The following LINGO1 variants were observed in gnomAD, a reference collection of about 807,000 sequenced individuals.
The protein encoded by LINGO1 is leucine rich repeat and Ig domain containing 1, also known as leucine-rich repeat and immunoglobulin-like domain-containing nogo receptor-interacting protein 1.
In LINGO1, 11 loss-of-function variants were observed where a neutral mutation model predicts 37.3. The observed-to-expected ratio is 0.29, with a 90% CI of 0.19 to 0.49. The LOEUF is 0.49. LINGO1 is among the 20% of genes least tolerant of loss of function. The probability of loss-of-function intolerance (pLI) is 0.99; values close to 1 mark genes in which losing one functional copy is unlikely to be tolerated. For synonymous variants in LINGO1, 387 were observed against 403.0 expected (o/e 0.96, Z 0.48); for missense variants, 585 against 878.2 (o/e 0.67, Z 4.22).
chr15:77,712,768 T>C (rs1266845648), intron 2 of LINGO1, among the ~76,000 whole-genome samples: 1 of 152,174 alleles, frequency 6.6e-6, no homozygotes, highest in Non-Finnish European at 1.5e-5. Context: ...CTGCACATTC[T>C]AGAAGCCCAC....
In LINGO1 at chr15:77,653,080, T is replaced by C. The variant is rs141954925; in HGVS notation, c.-13+24009A>G. On this transcript the variant is annotated intron_variant, in intron 3 of 3. Coordinates refer to the LINGO1 transcript ENST00000559893. ...GATGTCAAAGGTGGGGACACGGACA[T>C]AGGCCAACCCCTTAATTGGGGGAGA... Among the ~76,000 whole-genome samples, 3 of 152,322 alleles carry C rather than the reference T, an allele frequency of 2.0e-5. No homozygotes were observed. The East Asian group carries it at 5.8e-4, about 29-fold the overall frequency.
At chr15:77,780,225 C>T (rs1280553763) in intron 1 of LINGO1, among the ~76,000 whole-genome samples, 1 of 152,078 alleles carries the variant, frequency 6.6e-6, no homozygotes, top group Non-Finnish European at 1.5e-5. Flanking sequence ...GCAGGAAGTA[C>T]TTGAGGGCCT....
chr15:77,630,821 C>A (rs761057050), intron 1 of LINGO1, among the ~76,000 whole-genome samples: 7 of 152,184 alleles, frequency 4.6e-5, no homozygotes, highest in Non-Finnish European at 7.4e-5. Flanking sequence ...CTGCTGGGAT[C>A]CCCGATGTGA....
intron 3 of LINGO1, among the ~76,000 whole-genome samples, chr15:77,669,655 T>C (rs1045319194): frequency 6.6e-6 from 1 of 152,212 alleles, no homozygotes; most frequent in Non-Finnish European, 1.5e-5. Context: ...CTGGCTCCCA[T>C]AGCCCACTGT....
At chr15:77,684,524 C>T (rs1344310706) in intron 2 of LINGO1, among the ~76,000 whole-genome samples, 2 of 152,212 alleles carry the variant, frequency 1.3e-5, no homozygotes, top group Non-Finnish European at 2.9e-5. Context: ...ATTTGCCTTC[C>T]CCTGCAACTG....
chr15:77,699,501 A>G (rs561306186), upstream of LINGO1, among the ~76,000 whole-genome samples: 9 of 23,426 alleles, frequency 3.8e-4, no homozygotes, highest in Non-Finnish European at 7.6e-4. Context: ...TCATCTCCAC[A>G]CACAATAAGC....
At chr15:77,681,397 T>G (rs1446064319) in intron 2 of LINGO1, among the ~76,000 whole-genome samples, 1 of 152,108 alleles carries the variant, frequency 6.6e-6, no homozygotes, top group East Asian at 1.9e-4. Flanking sequence ...ACAGTGGAGT[T>G]GGCTGGGCTG....
At chr15:77,736,814 A>C (rs547729783) in intron 1 of LINGO1, among the ~76,000 whole-genome samples, 31 of 152,182 alleles carry the variant, frequency 2.0e-4, no homozygotes, top group Non-Finnish European at 3.5e-4. Context: ...AAAAAAGAAA[A>C]GAAACGAAAA....
chr15:77,635,250 T>C (rs1376326396), upstream of LINGO1, among the ~76,000 whole-genome samples: 2 of 152,126 alleles, frequency 1.3e-5, no homozygotes, highest in Non-Finnish European at 2.9e-5. Flanking sequence ...CCAAAAGACA[T>C]GACCCCTCCC....
rs2073645845 is a variant in LINGO1 at position 77,614,887 on chromosome 15, G to A, written c.1020C>T (p.Leu340=). 2 of 1,613,950 alleles carry A rather than the reference G, an allele frequency of 1.2e-6. No individual in the cohort carries two copies. Among genetic ancestry groups the A allele is most frequent in the Non-Finnish European group, 1.7e-6 (2 of 1,179,876 alleles). Reference sequence around the variant, plus strand: ...TGGTCAGCTGGTTGCCAGAGACATTGAGCACGCGCAGGTAGTTGAGGCCGC... The same window carrying A: ...TGGTCAGCTGGTTGCCAGAGACATTAAGCACGCGCAGGTAGTTGAGGCCGC... ...AFRGLNYLRV[L]NVSGNQLTTL... Residue 340 remains leucine, a synonymous_variant, in exon 2 of 2, where the codon CTC becomes CTT. Transcript: ENST00000355300.
chr15:77,763,329 A>G (rs1309737154), intron 1 of LINGO1, among the ~76,000 whole-genome samples: 1 of 152,132 alleles, frequency 6.6e-6, no homozygotes, highest in Non-Finnish European at 1.5e-5. Flanking sequence ...GAGGAGGGAC[A>G]GGGATATAAG....
intron 1 of LINGO1, among the ~76,000 whole-genome samples, chr15:77,783,373 CT>C (rs1440230213): frequency 6.6e-6 from 1 of 152,164 alleles, no homozygotes; most frequent in Non-Finnish European, 1.5e-5. Flanking sequence ...GGCAGGCTGG[CT>C]CCAAGCCAGA....
chr15:77,718,736 C>T (rs2076014658), intron 2 of LINGO1, among the ~76,000 whole-genome samples: 1 of 150,738 alleles, frequency 6.6e-6, no homozygotes, highest in African/African-American at 2.4e-5. Context: ...TCATAACCCC[C>T]TGGGGTCAGG....
chr15:77,741,093 G>T (rs1352836784), intron 1 of LINGO1, among the ~76,000 whole-genome samples: 1 of 152,212 alleles, frequency 6.6e-6, no homozygotes, highest in African/African-American at 2.4e-5. Flanking sequence ...GCCTGGAGAA[G>T]CCCAAACCTA....
intron 3 of LINGO1, among the ~76,000 whole-genome samples, chr15:77,670,115 T>A (rs575115882): frequency 6.6e-6 from 1 of 152,190 alleles, no homozygotes; most frequent in Non-Finnish European, 1.5e-5. Flanking sequence ...ACATATTGTA[T>A]GATTCCATTT....
At chr15:77,757,270 G>T (rs1178241603) in intron 1 of LINGO1, among the ~76,000 whole-genome samples, 1 of 152,252 alleles carries the variant, frequency 6.6e-6, no homozygotes, top group Admixed American at 6.5e-5. Context: ...TGCCGCAGGG[G>T]CCCAGGCTCT....
chr15:77,763,212 T>C (rs1234371335), intron 1 of LINGO1, among the ~76,000 whole-genome samples: 3 of 152,280 alleles, frequency 2.0e-5, no homozygotes, highest in South Asian at 4.1e-4. Context: ...TTTATGAAAG[T>C]GTATGGATTT....
chr15:77,747,793 C>G (rs947011329), intron 1 of LINGO1, among the ~76,000 whole-genome samples: 6 of 152,014 alleles, frequency 3.9e-5, no homozygotes, highest in African/African-American at 1.4e-4. Context: ...CGCTGGGGTT[C>G]GGAGGCATTA....
chr15:77,769,930 C>T (rs2076567649), intron 1 of LINGO1, among the ~76,000 whole-genome samples: 1 of 152,290 alleles, frequency 6.6e-6, no homozygotes, highest in East Asian at 1.9e-4. Context: ...AACCGAGACT[C>T]AGTGTGGTTT....
Sources: gnomAD v4.1 joint callset for allele counts (sites outside exome capture counted in the v4.1 genomes callset) on GRCh38, gnomAD v4.1.1 for gene constraint, MANE v1.5 for transcripts, NCBI Gene and HGNC (gene_info 2026-07-23, HGNC 2026-07-21) for gene names.